The following TUSC3 variants were observed in gnomAD, a reference collection of about 807,000 sequenced individuals.
TUSC3 encodes the protein tumor suppressor candidate 3.
TUSC3 carries 45 observed loss-of-function variants against 44.8 expected under a neutral mutation model. The ratio of observed to expected loss-of-function variants is 1.00; its 90% CI spans 0.79 to 1.29. The LOEUF (loss-of-function observed/expected upper bound fraction) is 1.29. Among genes scored for constraint, TUSC3 ranks in the 50% most tolerant of loss-of-function variants. The probability of loss-of-function intolerance (pLI) is 0.00; values close to 1 mark genes in which losing one functional copy is unlikely to be tolerated. For missense variants in TUSC3, 519 were observed against 437.9 expected, an observed-to-expected ratio of 1.19 and a Z score of -1.65; for synonymous variants, 212 against 152.9, an observed-to-expected ratio of 1.39 and a Z score of -2.85.
chr8:15,808,311 A>G, the TUSC3 span, among the ~76,000 whole-genome samples: 9 of 152,254 alleles, frequency 5.9e-5, no homozygotes, highest in East Asian at 1.7e-3. Context: ...TTAATATATT[A>G]AACATAAAAA....
chr8:15,777,439 G>C, the TUSC3 span, among the ~76,000 whole-genome samples: 2 of 151,958 alleles, frequency 1.3e-5, no homozygotes, highest in Non-Finnish European at 2.9e-5. Flanking sequence ...AAATTACTGG[G>C]TAAAATATAT....
intron 1 of TUSC3, among the ~76,000 whole-genome samples, chr8:15,471,288 T>C (rs4563886): frequency 0.17 from 25,707 of 152,192 alleles, 3,081 homozygotes; most frequent in East Asian, 0.4. Flanking sequence ...TTAAGAAATT[T>C]GGTGATGTTC....
chr8:15,674,891 A>C (rs898478731), intron 6 of TUSC3, among the ~76,000 whole-genome samples: 1 of 152,000 alleles, frequency 6.6e-6, no homozygotes, highest in East Asian at 1.9e-4. Context: ...TAGAGCAATA[A>C]ATTATTCCCT....
intron 2 of TUSC3, among the ~76,000 whole-genome samples, chr8:15,629,960 G>A (rs1405479525): frequency 6.6e-6 from 1 of 151,942 alleles, no homozygotes. Context: ...AAATAAAGTT[G>A]TTAATTAAGA....
the TUSC3 span, chr8:15,807,235 C>T: frequency 3.0e-6 from 2 of 664,190 alleles, no homozygotes; most frequent in Non-Finnish European, 5.5e-6. Flanking sequence ...TTACCCCACC[C>T]CCAGGCATTA....
intron 1 of TUSC3, among the ~76,000 whole-genome samples, chr8:15,558,866 T>A (rs1802358970): frequency 6.6e-6 from 1 of 151,102 alleles, no homozygotes; most frequent in African/African-American, 2.4e-5. Flanking sequence ...CCTTTATCAT[T>A]TTTTATTGCG....
intron 2 of TUSC3, among the ~76,000 whole-genome samples, chr8:15,529,517 C>G (rs376357279): frequency 6.6e-6 from 1 of 152,170 alleles, no homozygotes; most frequent in East Asian, 1.9e-4. Flanking sequence ...TCGTAATATA[C>G]AAAATCAGTT....
At chr8:15,450,546 T>G (rs1258808782) in intron 1 of TUSC3, among the ~76,000 whole-genome samples, 1 of 152,092 alleles carries the variant, frequency 6.6e-6, no homozygotes, top group Non-Finnish European at 1.5e-5. Flanking sequence ...TCACCCCACC[T>G]GTAATCCTAG....
intron 1 of TUSC3, among the ~76,000 whole-genome samples, chr8:15,469,069 G>C (rs763722793): frequency 3.3e-5 from 5 of 152,056 alleles, no homozygotes; most frequent in Non-Finnish European, 5.9e-5. Context: ...GAGAAGGCTG[G>C]TAATAAAATT....
chr8:15,475,242 A>G (rs998387067), intron 1 of TUSC3, among the ~76,000 whole-genome samples: 3 of 152,130 alleles, frequency 2.0e-5, no homozygotes, highest in Non-Finnish European at 4.4e-5. Context: ...GATCCTAGAG[A>G]CATAGAGAAA....
rs190404747 is a variant in TUSC3, at chr8:15,462,753, C to T, written n.92-20633C>T. ...CCAGTCTGACAATTTACTTTTGCACCAGTACAGAGCTGTTAAAGCTTTTGC... is the reference window on the plus strand; with the variant it reads ...CCAGTCTGACAATTTACTTTTGCACTAGTACAGAGCTGTTAAAGCTTTTGC... On this transcript the variant is annotated intron_variant and non_coding_transcript_variant, in intron 1 of 5. Transcript: ENST00000503191. Among the ~76,000 whole-genome samples, 9 of 152,138 alleles carry T rather than the reference C, an allele frequency of 5.9e-5. No individual in the cohort carries two copies. In the East Asian group the frequency reaches 1.6e-3, roughly 26 times the overall value.
At chr8:15,590,498 C>G (rs529439286) in intron 1 of TUSC3, among the ~76,000 whole-genome samples, 3 of 152,076 alleles carry the variant, frequency 2.0e-5, no homozygotes, top group African/African-American at 7.2e-5. Context: ...CTTGCCAATT[C>G]CCCCATTAAC....
chr8:15,554,565 G>A (rs1027603084), intron 1 of TUSC3, among the ~76,000 whole-genome samples: 3 of 144,978 alleles, frequency 2.1e-5, no homozygotes, highest in African/African-American at 5.0e-5. Context: ...TATTTGGATT[G>A]TTTCAAGGAC....
At chr8:15,701,986 A>T (rs538670670) in intron 6 of TUSC3, among the ~76,000 whole-genome samples, 1 of 152,284 alleles carries the variant, frequency 6.6e-6, no homozygotes, top group Non-Finnish European at 1.5e-5. Context: ...AGATGGTCTC[A>T]GTTCTCAGAG....
chr8:15,772,905 A>C, the TUSC3 span, among the ~76,000 whole-genome samples: 3 of 145,612 alleles, frequency 2.1e-5, no homozygotes, highest in African/African-American at 7.6e-5. Context: ...GAAAGCTTAC[A>C]TAATGATGTA....
At chr8:15,637,571 A>G (rs1276922645) in intron 2 of TUSC3, among the ~76,000 whole-genome samples, 1 of 151,930 alleles carries the variant, frequency 6.6e-6, no homozygotes, top group Non-Finnish European at 1.5e-5. Context: ...GAAATTTTTT[A>G]TCAGTTGAAG....
intron 1 of TUSC3, among the ~76,000 whole-genome samples, chr8:15,419,874 T>G (rs1363645788): frequency 6.6e-6 from 1 of 152,142 alleles, no homozygotes; most frequent in African/African-American, 2.4e-5. Flanking sequence ...ATTGAGAACA[T>G]CTGTATTTTT....
At chr8:15,460,624 T>A (rs1800332860) in intron 1 of TUSC3, among the ~76,000 whole-genome samples, 1 of 152,180 alleles carries the variant, frequency 6.6e-6, no homozygotes, top group Non-Finnish European at 1.5e-5. Flanking sequence ...CTAGAAGGGT[T>A]TTTCCAATAT....
At chr8:15,568,878 A>G (rs796617337) in intron 1 of TUSC3, among the ~76,000 whole-genome samples, 1 of 150,984 alleles carries the variant, frequency 6.6e-6, no homozygotes, top group South Asian at 2.1e-4. Flanking sequence ...ATTATCATTT[A>G]TTTTTTTTTC....
Sources: allele counts gnomAD v4.1 joint callset (sites outside exome capture counted in the v4.1 genomes callset), GRCh38; gene constraint gnomAD v4.1.1; transcripts MANE v1.5; gene names NCBI Gene and HGNC (gene_info 2026-07-23, HGNC 2026-07-21).